Variants in DPH6 observed in about 807,000 individuals in gnomAD.
The protein encoded by DPH6 is diphthamine biosynthesis 6, also known as diphthine--ammonia ligase.
Under a neutral mutation model 38.2 loss-of-function variants are expected in DPH6, and 33 were observed. That is an observed-to-expected ratio of 0.86 (90% CI 0.65 to 1.15). The LOEUF is 1.15. Ranked by LOEUF, DPH6 falls within the 50% of genes most tolerant of loss-of-function variation. DPH6 has a pLI of 0.00. For missense variants in DPH6, 325 were observed against 320.0 expected (o/e 1.02, Z -0.12); for synonymous variants, 108 against 103.0 (o/e 1.05, Z -0.30).
rs112624266 is a variant in DPH6 at position 35,469,054 on chromosome 15, G to A, written c.313-14234C>T. On this transcript the variant is annotated intron_variant, in intron 3 of 8. Coordinates refer to ENST00000256538, the MANE Select transcript of DPH6 (RefSeq NM_080650.4). ...CATTGCACTCCAGCCTGGGCAACAA[G>A]AGCAAAACTCTGCTTCAAAACAACA... Among the ~76,000 whole-genome samples, 494 of 144,190 alleles carry A rather than the reference G, an allele frequency of 3.4e-3. 1 individual carries two copies. Among genetic ancestry groups the A allele is most frequent in the Middle Eastern group, 0.01 (3 of 288 alleles). 94.6% of individuals were successfully genotyped at this position (144,190 alleles called of 152,430 possible). A position where few individuals can be genotyped will look rare whatever the true frequency, so the allele number is the denominator to read the frequency against.
chr15:35,305,544 CTT>C (rs958122411), intron 3 of DPH6, among the ~76,000 whole-genome samples: 1 of 152,036 alleles, frequency 6.6e-6, no homozygotes, highest in African/African-American at 2.4e-5. Context: ...TCTACCATCT[CTT>C]GACTTGCCAT....
chr15:35,174,670 C>T, the DPH6 span, among the ~76,000 whole-genome samples: 3 of 152,232 alleles, frequency 2.0e-5, no homozygotes, highest in South Asian at 6.2e-4. Flanking sequence ...CTAGAAGACA[C>T]GGAAAGGGTT....
intron 3 of DPH6, among the ~76,000 whole-genome samples, chr15:35,461,516 T>G (rs1430942828): frequency 6.6e-6 from 1 of 152,178 alleles, no homozygotes; most frequent in East Asian, 1.9e-4. Flanking sequence ...ACATACATGC[T>G]GTATATGTAT....
chr15:35,466,340 A>G (rs1186057857), intron 3 of DPH6, among the ~76,000 whole-genome samples: 1 of 152,220 alleles, frequency 6.6e-6, no homozygotes, highest in East Asian at 1.9e-4. Flanking sequence ...TATTCTCCTA[A>G]TTGCTTATTG....
chr15:35,512,188 G>T (rs1595432143), intron 3 of DPH6, among the ~76,000 whole-genome samples: 2 of 152,034 alleles, frequency 1.3e-5, no homozygotes, highest in African/African-American at 4.8e-5. Context: ...TGCCCAAAAT[G>T]ATTAAACTAC....
At chr15:35,426,158 ATGT>A (rs2053568465) in intron 5 of DPH6, among the ~76,000 whole-genome samples, 1 of 151,384 alleles carries the variant, frequency 6.6e-6, no homozygotes, top group Non-Finnish European at 1.5e-5. Flanking sequence ...TTTACAACAC[ATGT>A]TGGGAGTTTT....
At chr15:35,431,439 GA>G (rs571395756) in intron 5 of DPH6, among the ~76,000 whole-genome samples, 161 of 151,756 alleles carry the variant, frequency 1.1e-3, no homozygotes, top group Admixed American at 2.0e-3. Context: ...ATTAAATCAG[GA>G]AAAAAAATGT....
chr15:35,271,411 C>T (rs527561777), intron 3 of DPH6, among the ~76,000 whole-genome samples: 1 of 152,116 alleles, frequency 6.6e-6, no homozygotes, highest in Admixed American at 6.5e-5. Context: ...AAGAAAAAAA[C>T]ATTTGATAAA....
chr15:35,309,560 T>A (rs2052122786), intron 3 of DPH6, among the ~76,000 whole-genome samples: 1 of 152,198 alleles, frequency 6.6e-6, no homozygotes, highest in Non-Finnish European at 1.5e-5. Flanking sequence ...TAAACCCATT[T>A]TAAAGAGCGA....
intron 3 of DPH6, among the ~76,000 whole-genome samples, chr15:35,360,793 G>T (rs1409281206): frequency 6.6e-6 from 1 of 152,108 alleles, no homozygotes; most frequent in Non-Finnish European, 1.5e-5. Flanking sequence ...AGGTCCCTGG[G>T]TTGGCAGGAC....
At chr15:35,285,204 G>T (rs1332527333) in intron 3 of DPH6, among the ~76,000 whole-genome samples, 1 of 152,080 alleles carries the variant, frequency 6.6e-6, no homozygotes, top group East Asian at 1.9e-4. Context: ...TCCTACCCTT[G>T]ATTTCTTCCT....
intron 5 of DPH6, among the ~76,000 whole-genome samples, chr15:35,449,024 TTTTTG>T (rs1340708869): frequency 1.0e-3 from 150 of 148,354 alleles, no homozygotes; most frequent in Non-Finnish European, 9.7e-4. Context: ...AAGTCCCTTT[TTTTTG>T]GCTTAAATCC....
chr15:35,224,266 C>T (rs1274526506), intron 3 of DPH6, among the ~76,000 whole-genome samples: 1 of 151,890 alleles, frequency 6.6e-6, no homozygotes, highest in Non-Finnish European at 1.5e-5. Context: ...ACCACCATGC[C>T]CAGCTAATTT....
At chr15:35,377,955 G>A (rs943870142) in intron 7 of DPH6, among the ~76,000 whole-genome samples, 12 of 151,428 alleles carry the variant, frequency 7.9e-5, no homozygotes, top group African/African-American at 2.7e-4. Context: ...CTGCAGTCTC[G>A]AACTCCTGGC....
chr15:35,327,011 A>G (rs898242945), downstream of DPH6, among the ~76,000 whole-genome samples: 8 of 152,196 alleles, frequency 5.3e-5, no homozygotes, highest in Non-Finnish European at 1.2e-4. Flanking sequence ...TAGCCAGGAA[A>G]GACCTTGCTG....
intron 3 of DPH6, among the ~76,000 whole-genome samples, chr15:35,290,249 A>C (rs2051971134): frequency 1.3e-5 from 2 of 152,222 alleles, no homozygotes; most frequent in East Asian, 3.8e-4. Flanking sequence ...ATTACAAAGA[A>C]GAGACAGGAA....
intron 3 of DPH6, among the ~76,000 whole-genome samples, chr15:35,322,186 G>A (rs1289688641): frequency 1.3e-5 from 2 of 152,128 alleles, no homozygotes; most frequent in African/African-American, 4.8e-5. Flanking sequence ...AATTGGAAAA[G>A]TCACAAATCT....
chr15:35,518,350 G>A (rs1225855050), intron 3 of DPH6, among the ~76,000 whole-genome samples: 1 of 151,916 alleles, frequency 6.6e-6, no homozygotes, highest in Non-Finnish European at 1.5e-5. Flanking sequence ...CTTCGTAGCT[G>A]GTGGAGAAAA....
chr15:35,538,563 C>G, intron 2 of DPH6, 96 bp from the exon 3 acceptor site: 1 of 1,108,916 alleles, frequency 9.0e-7, no homozygotes, highest in Non-Finnish European at 1.2e-6. Context: ...ATAGTCGACA[C>G]AGAACTTGAA....
Sources: gnomAD v4.1 joint callset for allele counts (sites outside exome capture counted in the v4.1 genomes callset) on GRCh38, gnomAD v4.1.1 for gene constraint, MANE v1.5 for transcripts, NCBI Gene and HGNC (gene_info 2026-07-23, HGNC 2026-07-21) for gene names.